CD300E: variants seen among roughly 807,000 people sequenced by gnomAD.
The protein encoded by CD300E is CMRF35-like molecule 2.
A neutral mutation model predicts 20.9 loss-of-function variants in CD300E; 14 were observed. The observed-to-expected ratio is 0.67, with a 90% confidence interval of 0.44 to 1.05. The LOEUF is 1.05. Among genes scored for constraint, CD300E ranks in the 50% least tolerant of loss-of-function variants. The pLI is 0.00. For synonymous variants in CD300E, 102 were observed against 103.7 expected (o/e 0.98, Z 0.10); for missense variants, 237 against 253.9 (o/e 0.93, Z 0.45).
intron 1 of CD300E, 131 bp downstream of exon 1, chr17:74,623,451 C>T: frequency 1.2e-6 from 1 of 804,636 alleles, no homozygotes. Flanking sequence ...GAAGGATGCA[C>T]AGGTGAATGA....
chr17:74,617,675 G>A (rs2030934738), intron 1 of CD300E, among the ~76,000 whole-genome samples: 1 of 152,160 alleles, frequency 6.6e-6, no homozygotes, highest in Non-Finnish European at 1.5e-5. Flanking sequence ...CCAAGTCACA[G>A]CACAGGGGCC....
At chr17:74,617,712 G>T (rs1453330166) in intron 1 of CD300E, among the ~76,000 whole-genome samples, 1 of 152,166 alleles carries the variant, frequency 6.6e-6, no homozygotes, top group Non-Finnish European at 1.5e-5. Context: ...AAAGCTGGAG[G>T]CAGGAGCAGA....
intron 1 of CD300E, among the ~76,000 whole-genome samples, chr17:74,621,417 C>T (rs907393430): frequency 4.6e-5 from 7 of 152,158 alleles, no homozygotes; most frequent in Admixed American, 1.3e-4. Context: ...TAATTCTGGG[C>T]ACCTGAAGTT....
chr17:74,617,344 G>T lies in CD300E; in HGVS notation c.162C>A (p.Tyr54Ter), dbSNP rs111412583. The part of the protein sequence containing the change: ...GYNKYWCRGQ[Y>*]DTSCESIVET... Reference sequence around the variant, plus strand: ...CCACAATGCTCTCACATGACGTGTCGTACTGTCCTCGGCACCAGTACTTGT... The same window carrying T: ...CCACAATGCTCTCACATGACGTGTCTTACTGTCCTCGGCACCAGTACTTGT... Residue 54 changes from tyrosine (Y) to a stop codon, truncating the protein, a stop_gained, in exon 2 of 4, where the codon TAC becomes TAA. Coordinates refer to ENST00000392619, the MANE Select transcript of CD300E (RefSeq NM_181449.3). LOFTEE classifies it high-confidence loss of function. 2 of 1,614,114 alleles carry T rather than the reference G, an allele frequency of 1.2e-6. No homozygotes were observed. The highest frequency in any genetic ancestry group is 1.7e-6 in the Non-Finnish European group (2 of 1,180,036).
At chr17:74,618,308 G>T (rs1334129246) in intron 1 of CD300E, among the ~76,000 whole-genome samples, 1 of 152,224 alleles carries the variant, frequency 6.6e-6, no homozygotes, top group African/African-American at 2.4e-5. Flanking sequence ...CTGACAAGAG[G>T]CTTTGTTTGA....
chr17:74,617,848 G>T lies in CD300E; in HGVS notation c.41-383C>A, dbSNP rs372130014. ...TATTCTGGGGTCTTCTGAATCTCAG[G>T]CTTATTCTTTAAAAGCACAACTTGC... is the stretch of plus-strand genomic sequence containing the variant. On this transcript the variant is annotated intron_variant, in intron 1 of 3. Transcript: ENST00000392619. Among the ~76,000 whole-genome samples the T allele has an allele frequency of 2.0e-5, 3 of 152,310 alleles. No homozygotes were observed. In the East Asian group the frequency reaches 5.8e-4, roughly 29 times the overall value.
chr17:74,619,054 C>T (rs1489177237), intron 1 of CD300E: 11 of 470,226 alleles, frequency 2.3e-5, no homozygotes, highest in Middle Eastern at 3.2e-4. Flanking sequence ...CCTGTTGCCC[C>T]GCAGCTGCAC....
intron 1 of CD300E, among the ~76,000 whole-genome samples, chr17:74,621,914 T>C (rs2031030750): frequency 6.6e-6 from 1 of 152,192 alleles, no homozygotes. Flanking sequence ...GAAGTGTTTA[T>C]AGGTTATAAA....
At chr17:74,618,261 G>C (rs1459616032) in intron 1 of CD300E, among the ~76,000 whole-genome samples, 1 of 152,244 alleles carries the variant, frequency 6.6e-6, no homozygotes, top group African/African-American at 2.4e-5. Flanking sequence ...GTGATGCTCA[G>C]CAGAGCCCCC....
Position 74,612,648 on chromosome 17 carries a change from T to C in CD300E, c.*5A>G. 1 of 1,613,218 alleles carries C rather than the reference T, an allele frequency of 6.2e-7. No homozygotes were observed. The highest frequency in any genetic ancestry group is 1.7e-5 in the Admixed American group (1 of 60,008). On this transcript the variant is annotated 3_prime_UTR_variant, in exon 4 of 4. Transcript: ENST00000392619. ...GGCTCTGCAGGGCTTCGGGTCAGCC[T>C]GGCTCTATCTTCCAGGAGGAGCCCA...
chr17:74,613,201 C>G (rs1273796898), intron 3 of CD300E, among the ~76,000 whole-genome samples: 1 of 152,172 alleles, frequency 6.6e-6, no homozygotes, highest in African/African-American at 2.4e-5. Flanking sequence ...ACTTCCTGGG[C>G]TCAAGTGATT....
intron 1 of CD300E, chr17:74,619,138 C>T (rs889846119): frequency 2.1e-6 from 1 of 471,212 alleles, no homozygotes; most frequent in Admixed American, 2.3e-5. Context: ...CTGGAGGTGG[C>T]ACATCCCAGC....
At chr17:74,613,849 A>G (rs1220102248) in intron 3 of CD300E, 76 bp downstream of exon 3, 1 of 852,282 alleles carries the variant, frequency 1.2e-6, no homozygotes, top group East Asian at 2.6e-5. Context: ...ATCTCAGGTC[A>G]CGGTGCGCCA....
At chr17:74,618,706 C>G (rs2030957627) in intron 1 of CD300E, among the ~76,000 whole-genome samples, 1 of 152,076 alleles carries the variant, frequency 6.6e-6, no homozygotes, top group Non-Finnish European at 1.5e-5. Flanking sequence ...TGCCACCACG[C>G]ACACCTTCCT....
chr17:74,616,832 G>A lies in CD300E; in HGVS notation c.388+286C>T, dbSNP rs531673363. Among the ~76,000 whole-genome samples the A allele has an allele frequency of 5.5e-4, 83 of 152,258 alleles. No individual in the cohort carries two copies. The South Asian group carries it at 8.3e-3, about 15-fold the overall frequency. On this transcript the variant is annotated intron_variant, in intron 2 of 3. Coordinates refer to ENST00000392619, the MANE Select transcript of CD300E (RefSeq NM_181449.3). ...TTGGTACAGGCTTCCCAAAGGGCAC[G>A]GTGGAAACAGCTTTGGCTCAGCATG...
Position 74,613,967 on chromosome 17 carries a change from C to T in CD300E, c.455G>A (p.Gly152Glu). ...CACCTCCCCGGTGCTGAGGTTTCGC[C>T]CAGGGTTCACCACCAGGAAGATGGG... is the stretch of plus-strand genomic sequence containing the variant. ...TPPIFLVVNPGRNLSTGEVLT... is the reference protein window; with the variant it reads ...TPPIFLVVNPERNLSTGEVLT... Residue 152 changes from glycine (G) to glutamate (E), a missense_variant, in exon 3 of 4, where the codon GGG becomes GAG. Coordinates refer to ENST00000392619, the MANE Select transcript of CD300E (RefSeq NM_181449.3). The T allele has an allele frequency of 6.2e-7, 1 of 1,614,022 alleles. No individual in the cohort carries two copies. The highest frequency in any genetic ancestry group is 8.5e-7 in the Non-Finnish European group (1 of 1,179,940).
In CD300E at chr17:74,617,133, C is replaced by T. The variant is rs569640794; in HGVS notation, c.373G>A (p.Val125Met). Residue 125 changes from valine to methionine, a missense_variant, in exon 2 of 4, where the codon GTG becomes ATG. Transcript: ENST00000392619. ...GAGCTCTTACCTGGGGAAACATACA[C>T]CCTAACCAGGTCCGAGGGATCGCGT... ...WSRDPSDLVR[V>M]YVSPAITTPR... 4 of 1,614,088 alleles carry T rather than the reference C, an allele frequency of 2.5e-6. No homozygotes were observed. In the African/African-American group the frequency reaches 4.0e-5, roughly 16 times the overall value.
chr17:74,620,638 G>C (rs958858612), intron 1 of CD300E, among the ~76,000 whole-genome samples: 25 of 148,816 alleles, frequency 1.7e-4, no homozygotes, highest in Non-Finnish European at 2.8e-4. Flanking sequence ...CGAGACTCCG[G>C]CCAAAAAAAA....
At position 74,612,716 on chromosome 17, in the gene CD300E, GA is replaced by G; in HGVS notation, c.554del (p.Leu185ProfsTer2). On this transcript the variant is annotated frameshift_variant, in exon 4 of 4. Coordinates refer to ENST00000392619, the MANE Select transcript of CD300E (RefSeq NM_181449.3). LOFTEE classifies it low-confidence loss of function (END_TRUNC). ...LLVVLLKLPL[L>X]LSMLGAVFWV... ...AGAAGACAGCACCCAGCATGCTCAG[GA>G]GCAGGGGCAGCTTCAGAAGGACCAC... 1 of 1,614,036 alleles carries G rather than the reference GA, an allele frequency of 6.2e-7. No homozygotes were observed. The highest frequency in any genetic ancestry group is 1.1e-5 in the South Asian group (1 of 91,084).
Sources: gnomAD v4.1 joint callset for allele counts (sites outside exome capture counted in the v4.1 genomes callset) on GRCh38, gnomAD v4.1.1 for gene constraint, MANE v1.5 for transcripts, NCBI Gene and HGNC (gene_info 2026-07-23, HGNC 2026-07-21) for gene names.